Variants in HDGFL3 observed in about 807,000 individuals in gnomAD.
The protein encoded by HDGFL3 is HDGF like 3, also known as hepatoma-derived growth factor-related protein 3.
In HDGFL3, 6 loss-of-function variants were observed where a neutral mutation model predicts 27.6. That is an observed-to-expected ratio of 0.22 (90% confidence interval 0.12 to 0.43). The LOEUF (loss-of-function observed/expected upper bound fraction) is 0.43, where lower values mean the gene tolerates loss of function less well. HDGFL3 is among the 20% of genes least tolerant of loss of function. HDGFL3 has a pLI of 1.00. For synonymous variants in HDGFL3, 88 were observed against 88.9 expected, an observed-to-expected ratio of 0.99 and a Z score of 0.05; for missense variants, 207 against 250.1, an observed-to-expected ratio of 0.83 and a Z score of 1.16.
chr15:83,126,806 G>C, downstream of HDGFL3: 2 of 1,614,028 alleles, frequency 1.2e-6, no homozygotes, highest in Non-Finnish European at 1.7e-6. Flanking sequence ...GCAATTTCAA[G>C]AGCCCTATCT....
At chr15:83,119,789 A>G in intron 3 of HDGFL3, 1 of 1,543,258 alleles carries the variant, frequency 6.5e-7, no homozygotes, top group East Asian at 2.3e-5. Context: ...TATACTGGAC[A>G]TGAATATAAG....
chr15:83,207,374 A>G lies in HDGFL3; in HGVS notation c.41T>C (p.Leu14Pro). The G allele has an allele frequency of 1.4e-6, 2 of 1,404,114 alleles. No individual in the cohort carries two copies. Among genetic ancestry groups the G allele is most frequent in the Non-Finnish European group, 9.3e-7 (1 of 1,072,826 alleles). 87.0% of individuals were successfully genotyped at this position (1,404,114 alleles called of 1,614,324 possible). ...GTAGCCCTTCATCTTGGCGAAGACC[A>G]GGTCGCCCGCTTTGTACTCGCGGGG... is the stretch of plus-strand genomic sequence containing the variant. The part of the protein sequence containing the change: ...PRPREYKAGD[L>P]VFAKMKGYPH... Residue 14 changes from leucine to proline, a missense_variant, in exon 1 of 6, where the codon CTG becomes CCG. Coordinates refer to ENST00000299633, the MANE Select transcript of HDGFL3 (RefSeq NM_016073.4). The surrounding 1 kb of genome is among the most constrained non-coding windows in gnomAD (Gnocchi z 4.8).
exon 4 of HDGFL3, chr15:83,113,264 T>C (rs147916955): frequency 1.2e-5 from 4 of 322,220 alleles, no homozygotes; most frequent in African/African-American, 2.1e-5. Context: ...AGAACTTAAC[T>C]GTGTGGTGTC....
intron 1 of HDGFL3, among the ~76,000 whole-genome samples, chr15:83,176,870 A>G (rs2037318622): frequency 7.5e-6 from 1 of 133,570 alleles, no homozygotes; most frequent in South Asian, 2.2e-4. Context: ...AAAAAAGTAC[A>G]AAATGTCAAA....
chr15:83,154,383 T>C (rs919167227), intron 4 of HDGFL3, among the ~76,000 whole-genome samples: 1 of 151,876 alleles, frequency 6.6e-6, no homozygotes, highest in Non-Finnish European at 1.5e-5. Context: ...ATTTGTTTTT[T>C]AAAAAGCATT....
intron 1 of HDGFL3, among the ~76,000 whole-genome samples, chr15:83,167,996 C>T (rs2037194291): frequency 6.6e-6 from 1 of 152,100 alleles, no homozygotes; most frequent in African/African-American, 2.4e-5. Context: ...GAAATCAATA[C>T]CAAGAAGATC....
intron 5 of HDGFL3, among the ~76,000 whole-genome samples, chr15:83,142,094 T>C (rs563976368): frequency 3.9e-5 from 6 of 152,284 alleles, no homozygotes; most frequent in African/African-American, 1.4e-4. Flanking sequence ...AGTTCAACCA[T>C]TGTGGAAATC....
At chr15:83,156,803 C>T (rs541590035) in intron 4 of HDGFL3, among the ~76,000 whole-genome samples, 1 of 152,182 alleles carries the variant, frequency 6.6e-6, no homozygotes, top group Non-Finnish European at 1.5e-5. Context: ...ATGCCATTCT[C>T]CCACCTCAGC....
chr15:83,146,668 C>T (rs147214937), intron 5 of HDGFL3, among the ~76,000 whole-genome samples: 5 of 152,262 alleles, frequency 3.3e-5, no homozygotes, highest in Non-Finnish European at 5.9e-5. Context: ...AATTATCTGT[C>T]CTCTCTGTGA....
Position 83,137,664 on chromosome 15 carries a change from A to G in HDGFL3, c.*1606T>C, listed in dbSNP as rs1218597125. ...ATACTAGAGAAAATCAGTATTCACT[A>G]AATGAAAGAAACACACCAAAAATAC... On this transcript the variant is annotated 3_prime_UTR_variant, in exon 6 of 6. Coordinates refer to ENST00000299633, the MANE Select transcript of HDGFL3 (RefSeq NM_016073.4). 6.6e-6 allele frequency: 1 copy of G among 152,160 alleles called. No homozygotes were observed. Among genetic ancestry groups the G allele is most frequent in the African/African-American group, 2.4e-5 (1 of 41,456 alleles). The allele number at this position is 152,160 out of a possible 1,614,324, so 9.4% of individuals were successfully genotyped here.
downstream of HDGFL3, among the ~76,000 whole-genome samples, chr15:83,126,135 C>G (rs1435114925): frequency 6.6e-6 from 1 of 152,038 alleles, no homozygotes; most frequent in Non-Finnish European, 1.5e-5. Flanking sequence ...CCATTTTTAC[C>G]AACTCTGTCA....
chr15:83,143,060 G>T (rs1298576769), intron 5 of HDGFL3, among the ~76,000 whole-genome samples: 1 of 151,978 alleles, frequency 6.6e-6, no homozygotes, highest in Non-Finnish European at 1.5e-5. Flanking sequence ...CTGTCACCCA[G>T]GCTGGAGTAC....
At chr15:83,199,249 A>C (rs1356349560) in intron 1 of HDGFL3, among the ~76,000 whole-genome samples, 1 of 152,188 alleles carries the variant, frequency 6.6e-6, no homozygotes, top group African/African-American at 2.4e-5. Flanking sequence ...TTAACTGAGA[A>C]TTTATACTAC....
downstream of HDGFL3, chr15:83,124,724 T>C (rs769419655): frequency 2.2e-5 from 35 of 1,614,054 alleles, no homozygotes; most frequent in Non-Finnish European, 1.6e-5. Context: ...TTTGATTTAA[T>C]GTTGGTTGTG....
Position 83,139,164 on chromosome 15 carries a change from G to A in HDGFL3, c.*106C>T. On this transcript the variant is annotated 3_prime_UTR_variant, in exon 6 of 6. Transcript: ENST00000299633. ...ACATACAAACTGGGGTTCTGTCAAT[G>A]ACAACAAGGACTATGTGTTGGTTCA... is the stretch of plus-strand genomic sequence containing the variant. 2 of 656,080 alleles carry A rather than the reference G, an allele frequency of 3.0e-6. No homozygotes were observed. The highest frequency in any genetic ancestry group is 5.1e-5 in the South Asian group (1 of 19,640). 40.6% of individuals were successfully genotyped at this position (656,080 alleles called of 1,614,324 possible). A position where few individuals can be genotyped will look rare whatever the true frequency, so the allele number is the denominator to read the frequency against.
intron 1 of HDGFL3, among the ~76,000 whole-genome samples, chr15:83,185,400 A>G (rs941103577): frequency 1.3e-5 from 2 of 152,220 alleles, no homozygotes; most frequent in Non-Finnish European, 2.9e-5. Flanking sequence ...AAATCTTAAG[A>G]GCACAGAACT....
intron 1 of HDGFL3, among the ~76,000 whole-genome samples, chr15:83,196,255 A>G (rs1016072241): frequency 4.6e-5 from 7 of 151,948 alleles, no homozygotes; most frequent in African/African-American, 1.7e-4. Flanking sequence ...TGACTCATTT[A>G]TTAAGTCAAT....
chr15:83,176,375 A>T (rs2037311246), intron 1 of HDGFL3, among the ~76,000 whole-genome samples: 1 of 152,256 alleles, frequency 6.6e-6, no homozygotes, highest in African/African-American at 2.4e-5. Flanking sequence ...AATTTTCAGG[A>T]AATAAAAAAC....
rs1302273615 is a variant in HDGFL3 at position 83,183,439 on chromosome 15, C to T, written c.85-19364G>A. ...TTTAACAGGCCCTCAAAAAACTGAA[C>T]CAACAAGAACCTTGTCTGATTGAAT... On this transcript the variant is annotated intron_variant, in intron 1 of 5. Coordinates refer to ENST00000299633, the MANE Select transcript of HDGFL3 (RefSeq NM_016073.4). 3.3e-5 allele frequency among the ~76,000 whole-genome samples: 5 copies of T among 152,104 alleles called. No individual in the cohort carries two copies. In the East Asian group the frequency reaches 5.8e-4, roughly 18 times the overall value.
Sources: allele counts gnomAD v4.1 joint callset (sites outside exome capture counted in the v4.1 genomes callset), GRCh38; gene constraint gnomAD v4.1.1; non-coding constraint Gnocchi (gnomAD v3.1); transcripts MANE v1.5; gene names NCBI Gene and HGNC (gene_info 2026-07-23, HGNC 2026-07-21).